TERT: variants seen among roughly 807,000 people sequenced by gnomAD.
The protein encoded by TERT is telomerase catalytic subunit.
In TERT, 42 loss-of-function variants were observed where a neutral mutation model predicts 104.0. The ratio of observed to expected loss-of-function variants is 0.40; its 90% CI spans 0.32 to 0.52. The LOEUF is 0.52. TERT is among the 20% of genes least tolerant of loss of function. The pLI is 0.43. For missense variants in TERT, 1,101 were observed against 1,610.3 expected (o/e 0.68, Z 5.41); for synonymous variants, 781 against 725.6 (o/e 1.08, Z -1.23).
At chr5:1,254,553 C>G (rs758926068) in intron 14 of TERT, 48 bp from the exon 15 acceptor site, 2 of 1,573,642 alleles carry the variant, frequency 1.3e-6, no homozygotes, top group African/African-American at 1.4e-5. Context: ...CCCAGCTCCC[C>G]TCCCAGGAGA....
At chr5:1,267,208 G>A (rs893253504) in intron 9 of TERT, among the ~76,000 whole-genome samples, 5 of 152,262 alleles carry the variant, frequency 3.3e-5, no homozygotes, top group Admixed American at 3.3e-4. Context: ...ATTGGAGCTA[G>A]AGTTTCAAAA....
intron 11 of TERT, 103 bp downstream of exon 11, chr5:1,264,301 G>C: frequency 7.8e-7 from 1 of 1,279,706 alleles, no homozygotes; most frequent in Non-Finnish European, 1.1e-6. Flanking sequence ...CTTTGGGATT[G>C]GCAGTCGCCT....
Position 1,294,623 on chromosome 5 carries a change from A to C in TERT, c.263T>G (p.Leu88Arg). The change falls in exon 2 of 16, where the codon CTG becomes CGG. Residue 88 changes from leucine to arginine, a missense_variant. By Grantham distance (102) the Leu-to-Arg change is moderately radical. This residue lies in a region of TERT where 87 missense variants were observed against 145.4 expected (regional missense o/e 0.60). Coordinates refer to ENST00000310581, the MANE Select transcript of TERT (RefSeq NM_198253.3). ...CACGTTCTTCGCGCCGCGCTCGCACAGCCTCTGCAGCACTCGGGCCACCAG... is the reference window on the plus strand; with the variant it reads ...CACGTTCTTCGCGCCGCGCTCGCACCGCCTCTGCAGCACTCGGGCCACCAG... Reference protein sequence around the residue: ...KELVARVLQRLCERGAKNVLA... With the variant: ...KELVARVLQRRCERGAKNVLA... The C allele has an allele frequency of 6.3e-7, 1 of 1,596,226 alleles. No homozygotes were observed. The highest frequency in any genetic ancestry group is 2.2e-5 in the East Asian group (1 of 44,798).
intron 6 of TERT, among the ~76,000 whole-genome samples, chr5:1,277,482 G>A (rs958714455): frequency 7.9e-5 from 12 of 152,146 alleles, no homozygotes; most frequent in South Asian, 2.1e-4. Context: ...GCTGAGGCTC[G>A]AACCCCAAAA....
chr5:1,253,787 CAGTCAGCG>C lies in TERT; in HGVS notation c.3332_3339del (p.Thr1111SerfsTer63). ...GCCGGGTTGGCTGCGGCCTCCAGGG[CAGTCAGCG>C]TCGTCCCCGGGAGCTTCCGACTCAG... is the stretch of plus-strand genomic sequence containing the variant. On this transcript the variant is annotated frameshift_variant, in exon 16 of 16. Coordinates refer to ENST00000310581, the MANE Select transcript of TERT (RefSeq NM_198253.3). LOFTEE classifies it high-confidence loss of function. 6.2e-7 allele frequency: 1 copy of C among 1,612,176 alleles called. No homozygotes were observed. Among genetic ancestry groups the C allele is most frequent in the Non-Finnish European group, 8.5e-7 (1 of 1,179,776 alleles).
chr5:1,282,361 C>T lies in TERT; in HGVS notation c.1769+68G>A, dbSNP rs565603681. Reference sequence around the variant, plus strand: ...GGAAGCACAGGCAAGTGGAGACAGGCGCATGCTGAGGCCGGGCTGGTGTTC... The same window carrying T: ...GGAAGCACAGGCAAGTGGAGACAGGTGCATGCTGAGGCCGGGCTGGTGTTC... On this transcript the variant is annotated intron_variant, in intron 3 of 15. Coordinates refer to ENST00000310581, the MANE Select transcript of TERT (RefSeq NM_198253.3). 8.4e-4 allele frequency: 1,292 copies of T among 1,532,080 alleles called. 3 individuals carry two copies. The highest frequency in any genetic ancestry group is 1.0e-3 in the Non-Finnish European group (1,133 of 1,106,866). 94.9% of individuals were successfully genotyped at this position (1,532,080 alleles called of 1,614,324 possible).
At position 1,254,427 on chromosome 5, in the gene TERT, AG is replaced by A. The variant is rs1270172263; in HGVS notation, c.3235del (p.Leu1079CysfsTer4). Reference sequence around the variant, plus strand: ...GACACGGTGTCGAGTCAGCTTGAGCAGGAATGCTTGGTGGCACAGCCACTGC... The same window carrying A: ...GACACGGTGTCGAGTCAGCTTGAGCAGAATGCTTGGTGGCACAGCCACTGC... ...AVQWLCHQAFLLKLTRHRVTY... is the reference protein window; with the variant it reads ...AVQWLCHQAFXLKLTRHRVTY... On this transcript the variant is annotated frameshift_variant, in exon 15 of 16. Transcript: ENST00000310581. LOFTEE classifies it high-confidence loss of function. 1 of 1,613,034 alleles carries A rather than the reference AG, an allele frequency of 6.2e-7. No homozygotes were observed. Among genetic ancestry groups the A allele is most frequent in the African/African-American group, 1.3e-5 (1 of 74,912 alleles).
rs1422845989 is a variant in TERT at position 1,287,701 on chromosome 5, T to A, written c.1574-5077A>T. On this transcript the variant is annotated intron_variant, in intron 2 of 15. Coordinates refer to ENST00000310581, the MANE Select transcript of TERT (RefSeq NM_198253.3). The surrounding 1 kb of genome is among the most constrained non-coding windows in gnomAD (Gnocchi z 4.3). Reference sequence around the variant, plus strand: ...TCTACCACGTGCATGCACCTAACAATGCCTCACATAAATGCTACCAAACGA... The same window carrying A: ...TCTACCACGTGCATGCACCTAACAAAGCCTCACATAAATGCTACCAAACGA... Among the ~76,000 whole-genome samples the A allele has an allele frequency of 6.6e-6, 1 of 152,012 alleles. No homozygotes were observed. The highest frequency in any genetic ancestry group is 6.6e-5 in the Admixed American group (1 of 15,240).
In TERT at chr5:1,293,645, G is replaced by A. The variant is rs1471089239; in HGVS notation, c.1241C>T (p.Pro414Leu). The change falls in exon 2 of 16, where the codon CCG becomes CTG. Residue 414 changes from proline (P) to leucine (L), a missense_variant. Physicochemically the swap from Pro to Leu is moderately conservative, Grantham distance 98 (BLOSUM62 -3). Around this residue, in one of 5 missense-constraint regions of TERT, gnomAD observed 504 missense variants for 544.6 expected, o/e 0.93. Coordinates refer to ENST00000310581, the MANE Select transcript of TERT (RefSeq NM_198253.3). The stretch of plus-strand genomic sequence containing the variant: ...TGCTGGGGTGACCGCAGCTCGCAGC[G>A]GGCAGTGCGTCTTGAGGAGCACCCC... Reference protein sequence around the residue: ...PYGVLLKTHCPLRAAVTPAAG... With the variant: ...PYGVLLKTHCLLRAAVTPAAG... The A allele has an allele frequency of 1.3e-6, 2 of 1,559,004 alleles. No homozygotes were observed. Among genetic ancestry groups the A allele is most frequent in the South Asian group, 1.2e-5 (1 of 84,714 alleles).
At chr5:1,272,573 C>CCA (rs10700999) in intron 6 of TERT, among the ~76,000 whole-genome samples, 3,294 of 13,294 alleles carry the variant, frequency 0.25, 885 homozygotes, top group Middle Eastern at 0.38. Context: ...TCCACAGTCA[C>CCA]CACATCAGAC....
chr5:1,253,919 C>T lies in TERT; in HGVS notation c.3296-88G>A, dbSNP rs1478388947. ...TAGGACGTGTGGGTGGCCGGGCAGG[C>T]AGGGCCTGCACCTCGTGGCCCTGGC... On this transcript the variant is annotated intron_variant, in intron 15 of 15. Coordinates refer to ENST00000310581, the MANE Select transcript of TERT (RefSeq NM_198253.3). The T allele has an allele frequency of 2.8e-6, 4 of 1,410,028 alleles. No individual in the cohort carries two copies. The South Asian group carries it at 4.9e-5, about 17-fold the overall frequency. 87.3% of individuals were successfully genotyped at this position (1,410,028 alleles called of 1,614,324 possible).
intron 2 of TERT, among the ~76,000 whole-genome samples, chr5:1,285,796 C>T (rs1435529181): frequency 6.6e-6 from 1 of 151,936 alleles, no homozygotes; most frequent in African/African-American, 2.4e-5. Flanking sequence ...TCTCGACCTC[C>T]TGACCTCGTG....
chr5:1,271,961 C>T (rs569144223), intron 7 of TERT, among the ~76,000 whole-genome samples: 10 of 152,358 alleles, frequency 6.6e-5, no homozygotes, highest in Admixed American at 1.3e-4. Flanking sequence ...AGAGAGGCCG[C>T]GCAGTCAAAC....
rs1286573582 is a variant in TERT, at chr5:1,294,103, C to T, written c.783G>A (p.Arg261=). ...AACCACGGTCACTCGGTCCACGCGT[C>T]CTGCCCGGGTGGGCCCAGGACCCCT... ...VGQGSWAHPG[R]TRGPSDRGFC... Residue 261 remains arginine, a synonymous_variant, in exon 2 of 16, where the codon AGG becomes AGA. Transcript: ENST00000310581. The T allele has an allele frequency of 1.9e-6, 3 of 1,587,198 alleles. No homozygotes were observed. The highest frequency in any genetic ancestry group is 2.6e-6 in the Non-Finnish European group (3 of 1,169,210).
chr5:1,264,096 C>G (rs554744293), intron 11 of TERT, among the ~76,000 whole-genome samples: 1 of 152,218 alleles, frequency 6.6e-6, no homozygotes, highest in Non-Finnish European at 1.5e-5. Flanking sequence ...TCACGCCCAG[C>G]AGGGCCCGGG....
intron 10 of TERT, among the ~76,000 whole-genome samples, 188 bp downstream of exon 10, chr5:1,266,276 C>T (rs1254444391): frequency 7.9e-5 from 12 of 152,262 alleles, no homozygotes; most frequent in East Asian, 3.8e-4. Flanking sequence ...CACTCCCTCC[C>T]GAAGGTGCCC....
chr5:1,294,016 A>G lies in TERT; in HGVS notation c.870T>C (p.Ser290=). ...CGGATGGGTGGGAGTGGCGCGTGCC[A>G]GAGAGCGCACCCTCCAAAGAGGTGG... is the stretch of plus-strand genomic sequence containing the variant. ...EEATSLEGAL[S]GTRHSHPSVG... is the part of the protein sequence containing the mutation. The change falls in exon 2 of 16, where the codon TCT becomes TCC. Residue 290 remains serine (S), a synonymous_variant. Transcript: ENST00000310581. 1 of 1,591,608 alleles carries G rather than the reference A, an allele frequency of 6.3e-7. No individual in the cohort carries two copies.
rs567442679 is a variant in TERT at position 1,256,418 on chromosome 5, C to T, written c.3033-1007G>A. On this transcript the variant is annotated intron_variant, in intron 13 of 15. Transcript: ENST00000310581. The surrounding 1 kb of genome is among the most constrained non-coding windows in gnomAD (Gnocchi z 7.0). Reference sequence around the variant, plus strand: ...ACATGTGCACATGTGCTCATATGTGCGTGTGATCAGAGCCCCCGTGTACCT... The same window carrying T: ...ACATGTGCACATGTGCTCATATGTGTGTGTGATCAGAGCCCCCGTGTACCT... Among the ~76,000 whole-genome samples the T allele has an allele frequency of 9.2e-5, 14 of 151,972 alleles. No individual in the cohort carries two copies. Among genetic ancestry groups the T allele is most frequent in the Admixed American group, 6.6e-5 (1 of 15,262 alleles).
intron 2 of TERT, among the ~76,000 whole-genome samples, chr5:1,289,754 A>T (rs1182510341): frequency 2.2e-5 from 2 of 90,790 alleles, no homozygotes; most frequent in Non-Finnish European, 4.2e-5. Flanking sequence ...ACACCCGGGG[A>T]CAGTGCCTCA....
Sources: gnomAD v4.1 joint callset for allele counts (sites outside exome capture counted in the v4.1 genomes callset) on GRCh38, gnomAD v4.1.1 for gene constraint, gnomAD v4.1.1 regional missense constraint, Gnocchi (gnomAD v3.1) non-coding constraint, MANE v1.5 for transcripts, NCBI Gene and HGNC (gene_info 2026-07-23, HGNC 2026-07-21) for gene names.